The following XRCC2 variants were observed in gnomAD, a reference collection of about 807,000 sequenced individuals.
XRCC2 encodes DNA repair protein XRCC2.
XRCC2 carries 24 observed loss-of-function variants against 27.3 expected under a neutral mutation model. That is an observed-to-expected ratio of 0.88 (90% CI 0.64 to 1.24). The LOEUF (loss-of-function observed/expected upper bound fraction) is 1.24. XRCC2 is among the 50% of genes most tolerant of loss of function. The probability of loss-of-function intolerance (pLI) is 0.00; values close to 1 mark genes in which losing one functional copy is unlikely to be tolerated. For synonymous variants in XRCC2, 106 were observed against 115.4 expected (o/e 0.92, Z 0.52); for missense variants, 321 against 325.8 (o/e 0.99, Z 0.11).
At position 152,660,740 on chromosome 7, in the gene XRCC2, C is replaced by A; in HGVS notation, c.82G>T (p.Glu28Ter). The change falls in exon 2 of 3, where the codon GAA becomes TAA. Residue 28 changes from glutamate (E) to a stop codon, truncating the protein, a stop_gained. Transcript: ENST00000359321. LOFTEE classifies it high-confidence loss of function. ...LEGRSSLKEI[E>*]PNLFADEDSP... ...TCTTCATCAGCAAACAGATTTGGTT[C>A]TATTTCTTTCAAGGAACTTCTACCT... 1 of 1,613,520 alleles carries A rather than the reference C, an allele frequency of 6.2e-7. No individual in the cohort carries two copies. Among genetic ancestry groups the A allele is most frequent in the Non-Finnish European group, 8.5e-7 (1 of 1,179,876 alleles).
intron 1 of XRCC2, among the ~76,000 whole-genome samples, chr7:152,663,743 A>C (rs1323619338): frequency 6.6e-6 from 1 of 152,122 alleles, no homozygotes; most frequent in Non-Finnish European, 1.5e-5. Context: ...GAAGGCTGAC[A>C]GAAAAGAATC....
In XRCC2 at chr7:152,648,867, T is replaced by C. The variant is rs2098027240; in HGVS notation, c.618A>G (p.Ser206=). 1 of 1,614,006 alleles carries C rather than the reference T, an allele frequency of 6.2e-7. No individual in the cohort carries two copies. Among genetic ancestry groups the C allele is most frequent in the Non-Finnish European group, 8.5e-7 (1 of 1,179,894 alleles). Residue 206 remains serine (S), a synonymous_variant, in exon 3 of 3, where the codon TCA becomes TCG. Coordinates refer to ENST00000359321, the MANE Select transcript of XRCC2 (RefSeq NM_005431.2). The stretch of plus-strand genomic sequence containing the variant: ...GTCGAGAGGCATGAGAAGGTTCTTC[T>C]GATGAGCTCGAGGCTTTCTGCATTA... ...QTIMQKASSS[S]EEPSHASRRL... is the part of the protein sequence containing the mutation.
intron 1 of XRCC2, 75 bp downstream of exon 1, chr7:152,675,966 C>T (rs1590140830): frequency 3.1e-6 from 5 of 1,598,094 alleles, no homozygotes; most frequent in East Asian, 2.2e-5. Context: ...CCCAATCCCC[C>T]GGGTTCCCTC....
intron 2 of XRCC2, among the ~76,000 whole-genome samples, chr7:152,651,350 G>A (rs1467319869): frequency 1.3e-5 from 2 of 151,848 alleles, no homozygotes; most frequent in African/African-American, 4.8e-5. Context: ...CACTTTGGGA[G>A]GTCAAGGCAG....
intron 2 of XRCC2, among the ~76,000 whole-genome samples, chr7:152,650,139 T>A (rs570696046): frequency 6.6e-6 from 1 of 152,342 alleles, no homozygotes; most frequent in South Asian, 2.1e-4. Flanking sequence ...CTCAGTGTTA[T>A]TGATGTTATG....
At chr7:152,653,039 G>C (rs1360565346) in intron 2 of XRCC2, among the ~76,000 whole-genome samples, 1 of 152,142 alleles carries the variant, frequency 6.6e-6, no homozygotes. Context: ...AGGTGATATG[G>C]TTAGGCTGTG....
intron 1 of XRCC2, among the ~76,000 whole-genome samples, chr7:152,665,866 A>G (rs1372357521): frequency 1.3e-5 from 2 of 152,172 alleles, no homozygotes; most frequent in African/African-American, 4.8e-5. Context: ...GTAACCAAGA[A>G]GAATATCTAT....
At chr7:152,661,407 C>T (rs1345791219) in intron 1 of XRCC2, among the ~76,000 whole-genome samples, 3 of 152,136 alleles carry the variant, frequency 2.0e-5, no homozygotes, top group African/African-American at 7.2e-5. Context: ...AGTTATCTGC[C>T]TTCATTTGTC....
In XRCC2 at chr7:152,646,489, T is replaced by A. The variant is rs1338628050; in HGVS notation, c.*2153A>T. The A allele has an allele frequency of 6.6e-6, 1 of 152,192 alleles. No individual in the cohort carries two copies. Among genetic ancestry groups the A allele is most frequent in the African/African-American group, 2.4e-5 (1 of 41,456 alleles). The allele number at this position is 152,192 out of a possible 1,614,324, so 9.4% of individuals were successfully genotyped here. The stretch of plus-strand genomic sequence containing the variant: ...AGGTATGATCTTGTTCCTTATATTT[T>A]ATTTTTTATTTTTTAGAGATGGAGT... On this transcript the variant is annotated 3_prime_UTR_variant, in exon 3 of 3. Coordinates refer to ENST00000359321, the MANE Select transcript of XRCC2 (RefSeq NM_005431.2).
Position 152,674,683 on chromosome 7 carries a change from AAATATATTTTTAAATATATATTTATAT to A in XRCC2, c.39+1331_39+1357del, listed in dbSNP as rs201925916. Among the ~76,000 whole-genome samples, 20 of 68,252 alleles carry A rather than the reference AAATATATTTTTAAATATATATTTATAT, an allele frequency of 2.9e-4. 5 individuals carry two copies. The highest frequency in any genetic ancestry group is 4.4e-4 in the African/African-American group (8 of 18,168). The allele number at this position is 68,252 out of a possible 152,430, so 44.8% of individuals were successfully genotyped here. On this transcript the variant is annotated intron_variant, in intron 1 of 2. Transcript: ENST00000359321. ...ATACTTTCTATATAATCTATATTAT[AAATATATTTTTAAATATATATTTATAT>A]AATATATTTTTAAATATATATTATA...
At chr7:152,670,574 C>T (rs2098037757) in intron 1 of XRCC2, among the ~76,000 whole-genome samples, 1 of 151,978 alleles carries the variant, frequency 6.6e-6, no homozygotes, top group Non-Finnish European at 1.5e-5. Context: ...ATCAGTATAT[C>T]GCCTATTTAG....
intron 1 of XRCC2, among the ~76,000 whole-genome samples, chr7:152,668,601 A>C (rs1192144679): frequency 6.6e-6 from 1 of 152,204 alleles, no homozygotes; most frequent in Non-Finnish European, 1.5e-5. Flanking sequence ...GGGAAGACTA[A>C]TACATCAGGC....
intron 1 of XRCC2, among the ~76,000 whole-genome samples, chr7:152,661,050 GCTA>G (rs1016577391): frequency 2.0e-5 from 3 of 152,258 alleles, no homozygotes; most frequent in African/African-American, 7.2e-5. Context: ...TGTAATCCCA[GCTA>G]CTGAGGAGGC....
intron 2 of XRCC2, among the ~76,000 whole-genome samples, chr7:152,658,748 C>T (rs868425587): frequency 3.9e-5 from 6 of 152,212 alleles, no homozygotes; most frequent in Non-Finnish European, 7.3e-5. Flanking sequence ...CGTTGTAGCA[C>T]GTGACAGAAT....
intron 2 of XRCC2, among the ~76,000 whole-genome samples, chr7:152,657,056 G>T (rs1010671183): frequency 6.6e-6 from 1 of 151,732 alleles, no homozygotes; most frequent in Non-Finnish European, 1.5e-5. Context: ...GGCCAACGTG[G>T]TGAAACCCCG....
intron 2 of XRCC2, among the ~76,000 whole-genome samples, chr7:152,657,094 G>A (rs1406683962): frequency 6.6e-6 from 1 of 151,522 alleles, no homozygotes; most frequent in African/African-American, 2.4e-5. Context: ...AAATTAGCCA[G>A]GTGTGGTAGC....
chr7:152,674,674 C>G (rs1289249156), intron 1 of XRCC2, among the ~76,000 whole-genome samples: 1 of 3,442 alleles, frequency 2.9e-4, no homozygotes, highest in Admixed American at 3.0e-3. Context: ...TCTATATAAT[C>G]TATATTATAA....
intron 2 of XRCC2, among the ~76,000 whole-genome samples, chr7:152,651,968 C>T (rs7783061): frequency 2.0e-5 from 3 of 151,764 alleles, no homozygotes; most frequent in African/African-American, 7.2e-5. Flanking sequence ...GAGTTCATGA[C>T]GAGCCTGGGC....
rs1563035900 is a variant in XRCC2, at chr7:152,676,072, C to CT, written c.7dup (p.Ser3LysfsTer5). 6.2e-7 allele frequency: 1 copy of CT among 1,613,886 alleles called. No homozygotes were observed. Among genetic ancestry groups the CT allele is most frequent in the Non-Finnish European group, 8.5e-7 (1 of 1,179,816 alleles). On this transcript the variant is annotated frameshift_variant, in exon 1 of 3. Transcript: ENST00000359321. LOFTEE classifies it high-confidence loss of function. ...CCCAGACTCAGCCCTATGGAAGGCA[C>CT]TACACATCGCCCCGAAGGCTCGGCG... is the stretch of plus-strand genomic sequence containing the variant.
Sources: allele counts gnomAD v4.1 joint callset (sites outside exome capture counted in the v4.1 genomes callset), GRCh38; gene constraint gnomAD v4.1.1; transcripts MANE v1.5; gene names NCBI Gene and HGNC (gene_info 2026-07-23, HGNC 2026-07-21).